Variants in BTBD10 observed in about 807,000 individuals in gnomAD.
BTBD10 encodes BTB domain containing 10.
A neutral mutation model predicts 53.2 loss-of-function variants in BTBD10; 21 were observed. That is an observed-to-expected ratio of 0.39 (90% confidence interval 0.28 to 0.57). The LOEUF (loss-of-function observed/expected upper bound fraction) is 0.57. Ranked by LOEUF, BTBD10 falls within the 20% of genes least tolerant of loss-of-function variation. BTBD10 has a pLI of 0.53. For synonymous variants in BTBD10, 149 were observed against 192.7 expected (o/e 0.77, Z 1.88); for missense variants, 360 against 594.7 (o/e 0.61, Z 4.10).
intron 8 of BTBD10, among the ~76,000 whole-genome samples, chr11:13,390,957 AG>A (rs1286377928): frequency 3.9e-5 from 6 of 152,236 alleles, no homozygotes; most frequent in Non-Finnish European, 8.8e-5. Flanking sequence ...ACCAGAAATC[AG>A]AAAGGTCTCC....
chr11:13,416,466 T>A (rs1950115582), intron 5 of BTBD10, among the ~76,000 whole-genome samples: 1 of 152,194 alleles, frequency 6.6e-6, no homozygotes, highest in African/African-American at 2.4e-5. Flanking sequence ...CTGCTAGTTA[T>A]GTGCAATAAA....
At chr11:13,460,763 G>A (rs1951077558) in intron 1 of BTBD10, among the ~76,000 whole-genome samples, 1 of 152,156 alleles carries the variant, frequency 6.6e-6, no homozygotes, top group South Asian at 2.1e-4. Context: ...ATTTCTTCCA[G>A]TAAGTCAATG....
chr11:13,457,817 T>A (rs11022834), intron 1 of BTBD10, among the ~76,000 whole-genome samples: 3 of 151,978 alleles, frequency 2.0e-5, no homozygotes, highest in Non-Finnish European at 4.4e-5. Flanking sequence ...TGTACACACA[T>A]ATATTTCTGA....
At chr11:13,422,280 T>C (rs768378081) in intron 2 of BTBD10, among the ~76,000 whole-genome samples, 1 of 152,230 alleles carries the variant, frequency 6.6e-6, no homozygotes, top group African/African-American at 2.4e-5. Flanking sequence ...TAAGTCTACA[T>C]GCTAACTTCA....
chr11:13,428,685 T>C lies in BTBD10; in HGVS notation c.102-6847A>G, dbSNP rs114207069. On this transcript the variant is annotated intron_variant, in intron 2 of 8. Transcript: ENST00000278174. The stretch of plus-strand genomic sequence containing the variant: ...CCAGCAATACATAAAAAAAGAATAG[T>C]AATCAAAGACCAAATGCTCTCCATC... Among the ~76,000 whole-genome samples, 727 of 152,232 alleles carry C rather than the reference T, an allele frequency of 4.8e-3. 5 individuals carry two copies. Among genetic ancestry groups the C allele is most frequent in the African/African-American group, 0.017 (707 of 41,550 alleles).
At chr11:13,426,685 C>A (rs1455690401) in intron 2 of BTBD10, among the ~76,000 whole-genome samples, 1 of 151,748 alleles carries the variant, frequency 6.6e-6, no homozygotes, top group African/African-American at 2.4e-5. Context: ...ACTGTTAATA[C>A]TAAAGCAACC....
chr11:13,399,429 A>G (rs974221482), intron 8 of BTBD10, among the ~76,000 whole-genome samples: 18 of 152,008 alleles, frequency 1.2e-4, no homozygotes, highest in African/African-American at 4.4e-4. Context: ...TGCATTGGTT[A>G]TTCTAGTTAG....
chr11:13,394,584 C>T (rs180850730), intron 8 of BTBD10, among the ~76,000 whole-genome samples: 123 of 152,178 alleles, frequency 8.1e-4, no homozygotes, highest in Admixed American at 2.1e-3. Context: ...TTAGGGTACA[C>T]GTGCACAACG....
At chr11:13,445,494 A>T (rs962150817) in intron 1 of BTBD10, among the ~76,000 whole-genome samples, 1 of 152,186 alleles carries the variant, frequency 6.6e-6, no homozygotes, top group African/African-American at 2.4e-5. Flanking sequence ...TTATGGTACC[A>T]AAAAGGCAAA....
intron 8 of BTBD10, among the ~76,000 whole-genome samples, chr11:13,396,555 T>C (rs567261192): frequency 6.6e-6 from 1 of 152,334 alleles, no homozygotes; most frequent in East Asian, 1.9e-4. Flanking sequence ...TTAACTGCCC[T>C]GGCCAGAACT....
At chr11:13,446,724 C>T (rs1950755077) in intron 1 of BTBD10, among the ~76,000 whole-genome samples, 1 of 151,972 alleles carries the variant, frequency 6.6e-6, no homozygotes, top group Non-Finnish European at 1.5e-5. Flanking sequence ...TATCATAAAT[C>T]AATCAGGTAT....
intron 8 of BTBD10, among the ~76,000 whole-genome samples, chr11:13,398,815 T>G (rs1206052389): frequency 6.6e-6 from 1 of 152,174 alleles, no homozygotes; most frequent in Admixed American, 6.5e-5. Context: ...TTAGTTTGGC[T>G]GGATATGAAA....
intron 4 of BTBD10, among the ~76,000 whole-genome samples, chr11:13,417,988 T>G (rs1042717534): frequency 1.3e-5 from 2 of 152,160 alleles, no homozygotes; most frequent in Non-Finnish European, 2.9e-5. Context: ...TTCCAAAATA[T>G]GTCCTAAACA....
chr11:13,445,169 T>A lies in BTBD10; in HGVS notation c.-45A>T. On this transcript the variant is annotated 5_prime_UTR_variant, in exon 2 of 9. Coordinates refer to ENST00000278174, the MANE Select transcript of BTBD10 (RefSeq NM_032320.7). ...CACTACTGCTCTGAAAGCACACATGTAGCACCCATAACCTACATAAAAGAG... is the reference window on the plus strand; with the variant it reads ...CACTACTGCTCTGAAAGCACACATGAAGCACCCATAACCTACATAAAAGAG... The A allele has an allele frequency of 1.5e-6, 2 of 1,370,026 alleles. No individual in the cohort carries two copies. The highest frequency in any genetic ancestry group is 2.1e-6 in the Non-Finnish European group (2 of 958,714). 84.9% of individuals were successfully genotyped at this position (1,370,026 alleles called of 1,614,324 possible).
chr11:13,402,901 T>C (rs149316186), intron 8 of BTBD10, among the ~76,000 whole-genome samples: 3 of 152,276 alleles, frequency 2.0e-5, no homozygotes, highest in African/African-American at 4.8e-5. Context: ...TTGTCAAAAA[T>C]GAATTAGGGC....
chr11:13,404,049 CT>C (rs1949766040), intron 7 of BTBD10, among the ~76,000 whole-genome samples: 3 of 152,124 alleles, frequency 2.0e-5, no homozygotes, highest in Non-Finnish European at 2.9e-5. Context: ...GAAAAACACA[CT>C]CACAAACCAA....
chr11:13,411,287 C>T (rs2135791926), intron 6 of BTBD10, among the ~76,000 whole-genome samples: 1 of 152,234 alleles, frequency 6.6e-6, no homozygotes, highest in Admixed American at 6.5e-5. Flanking sequence ...AACATGCAAG[C>T]AAATTGTATA....
chr11:13,440,342 G>A, intron 2 of BTBD10: 2 of 1,066,082 alleles, frequency 1.9e-6, no homozygotes, highest in Non-Finnish European at 2.3e-6. Flanking sequence ...TTGATAGACA[G>A]GCATAACAAA....
intron 1 of BTBD10, among the ~76,000 whole-genome samples, chr11:13,453,488 T>C (rs899926333): frequency 1.3e-5 from 2 of 152,190 alleles, no homozygotes; most frequent in Non-Finnish European, 2.9e-5. Flanking sequence ...AAAATGATAA[T>C]ATTGAGGAAG....
Sources: allele counts gnomAD v4.1 joint callset (sites outside exome capture counted in the v4.1 genomes callset), GRCh38; gene constraint gnomAD v4.1.1; transcripts MANE v1.5; gene names NCBI Gene and HGNC (gene_info 2026-07-23, HGNC 2026-07-21).